PCCB: variants seen among roughly 807,000 people sequenced by gnomAD.
The protein encoded by PCCB is propionyl-CoA carboxylase subunit beta.
Under a neutral mutation model 60.7 loss-of-function variants are expected in PCCB, and 43 were observed. The observed-to-expected ratio is 0.71, with a 90% CI of 0.55 to 0.91. The LOEUF (loss-of-function observed/expected upper bound fraction) is 0.91, where lower values mean the gene tolerates loss of function less well. Among genes scored for constraint, PCCB ranks in the 40% least tolerant of loss-of-function variants. PCCB has a pLI of 0.00. For missense variants in PCCB, 766 were observed against 702.8 expected (o/e 1.09, Z -1.02); for synonymous variants, 276 against 255.9 (o/e 1.08, Z -0.75).
intron 10 of PCCB, among the ~76,000 whole-genome samples, chr3:136,320,270 A>G (rs1355369359): frequency 3.3e-5 from 5 of 152,246 alleles, no homozygotes; most frequent in Admixed American, 2.6e-4. Flanking sequence ...GTGTTGAATC[A>G]GTAGATTACT....
rs1317582842 is a variant in PCCB, at chr3:136,326,927, G to A, written c.1198+17G>A. On this transcript the variant is annotated intron_variant, in intron 11 of 14. Transcript: ENST00000251654. ...TTCTACCTGGTAAGTTTTTGACAGAGTGGGGGCTAGGAGAGTTGCCTTTCC... is the reference window on the plus strand; with the variant it reads ...TTCTACCTGGTAAGTTTTTGACAGAATGGGGGCTAGGAGAGTTGCCTTTCC... 3 of 1,509,568 alleles carry A rather than the reference G, an allele frequency of 2.0e-6. No individual in the cohort carries two copies. The highest frequency in any genetic ancestry group is 3.3e-5 in the Admixed American group (2 of 59,876). The allele number at this position is 1,509,568 out of a possible 1,614,324, so 93.5% of individuals were successfully genotyped here.
intron 7 of PCCB, among the ~76,000 whole-genome samples, chr3:136,296,855 TTCA>T (rs1386973374): frequency 4.6e-5 from 7 of 152,342 alleles, no homozygotes; most frequent in African/African-American, 1.4e-4. Context: ...AAAACAAATA[TTCA>T]TCGAGTACCT....
chr3:136,310,436 C>T (rs537510683), intron 9 of PCCB, among the ~76,000 whole-genome samples: 38 of 151,754 alleles, frequency 2.5e-4, no homozygotes, highest in Non-Finnish European at 4.7e-4. Context: ...GGTGGGAGTT[C>T]ACTTGAGCCC....
rs914690567 is a variant in PCCB, at chr3:136,316,981, A to G, written c.1007A>G (p.Tyr336Cys). The change falls in exon 10 of 15, where the codon TAT becomes TGT. Residue 336 changes from tyrosine to cysteine, a missense_variant. By Grantham distance (194) the Tyr-to-Cys change is radical (BLOSUM62 -2). Transcript: ENST00000251654. Reference sequence around the variant, plus strand: ...GAATTTTTTGAGATCATGCCCAATTATGCCAAGAACATCATTGTTGGTTTT... The same window carrying G: ...GAATTTTTTGAGATCATGCCCAATTGTGCCAAGAACATCATTGTTGGTTTT... ...EREFFEIMPN[Y>C]AKNIIVGFAR... 8 of 1,614,112 alleles carry G rather than the reference A, an allele frequency of 5.0e-6. No individual in the cohort carries two copies. Among genetic ancestry groups the G allele is most frequent in the Non-Finnish European group, 6.8e-6 (8 of 1,179,972 alleles).
At chr3:136,271,938 C>T (rs944712785) in intron 5 of PCCB, among the ~76,000 whole-genome samples, 1 of 152,112 alleles carries the variant, frequency 6.6e-6, no homozygotes, top group Non-Finnish European at 1.5e-5. Flanking sequence ...TGTCTTGTTC[C>T]AGTTTTCAGG....
intron 8 of PCCB, among the ~76,000 whole-genome samples, chr3:136,300,138 A>G (rs538079908): frequency 6.6e-6 from 1 of 151,288 alleles, no homozygotes; most frequent in South Asian, 2.1e-4. Flanking sequence ...ATGTATATCT[A>G]CACATGTGTT....
intron 5 of PCCB, among the ~76,000 whole-genome samples, chr3:136,275,914 G>A (rs1286817390): frequency 6.6e-6 from 1 of 152,176 alleles, no homozygotes; most frequent in Non-Finnish European, 1.5e-5. Context: ...GGGACTACAG[G>A]TGTGCACCAC....
intron 1 of PCCB, among the ~76,000 whole-genome samples, chr3:136,253,082 GTTTTTTTTTTTT>G (rs59099393): frequency 1.4e-5 from 1 of 71,500 alleles, no homozygotes; most frequent in South Asian, 5.6e-4. Flanking sequence ...AGCAATGGAG[GTTTTTTTTTTTT>G]TTTTTTTTTT....
chr3:136,268,136 A>ATATC (rs1942086032), intron 5 of PCCB, among the ~76,000 whole-genome samples: 2 of 128,590 alleles, frequency 1.6e-5, no homozygotes, highest in African/African-American at 6.4e-5. Flanking sequence ...ATATATATAT[A>ATATC]TATATCTACA....
chr3:136,270,662 C>T (rs931043507), intron 5 of PCCB, among the ~76,000 whole-genome samples: 3 of 152,164 alleles, frequency 2.0e-5, no homozygotes, highest in East Asian at 3.9e-4. Context: ...CACGCCACTA[C>T]ACCCATCTAA....
intron 1 of PCCB, among the ~76,000 whole-genome samples, chr3:136,253,797 C>T (rs1941592663): frequency 1.3e-5 from 2 of 151,260 alleles, no homozygotes; most frequent in South Asian, 4.2e-4. Context: ...AGCCTCCTAC[C>T]CTGCTAGTTA....
chr3:136,268,122 GTATATATA>G (rs1410337209), intron 5 of PCCB, among the ~76,000 whole-genome samples: 57 of 74,860 alleles, frequency 7.6e-4, no homozygotes, highest in Non-Finnish European at 5.9e-4. Flanking sequence ...ATATATATAT[GTATATATA>G]TATATATATA....
intron 12 of PCCB, 78 bp from the exon 13 acceptor site, chr3:136,327,554 TTA>T: frequency 9.1e-7 from 1 of 1,102,704 alleles, no homozygotes. Context: ...TGTCCCAATT[TTA>T]CCTGGTTTCC....
At chr3:136,288,234 C>A (rs527897194) in intron 6 of PCCB, among the ~76,000 whole-genome samples, 1 of 151,940 alleles carries the variant, frequency 6.6e-6, no homozygotes, top group African/African-American at 2.4e-5. Context: ...GAGAAGAAAG[C>A]GTATTTTGTT....
chr3:136,319,767 G>A lies in PCCB; in HGVS notation c.1090+2703G>A, dbSNP rs117248132. 7.1e-3 allele frequency among the ~76,000 whole-genome samples: 1,075 copies of A among 152,252 alleles called. 13 individuals are homozygous for A. Among genetic ancestry groups the A allele is most frequent in the African/African-American group, 0.024 (1,011 of 41,540 alleles). On this transcript the variant is annotated intron_variant, in intron 10 of 14. Transcript: ENST00000251654. ...TTCTGTTGCATGTGCTTTTGTTGTC[G>A]TATATAAGAATTTAAATTCAAGGTT...
At chr3:136,256,294 C>A in intron 2 of PCCB, 1 of 574,202 alleles carries the variant, frequency 1.7e-6, no homozygotes, top group Non-Finnish European at 3.1e-6. Context: ...AGTGGTGGCC[C>A]TGGGTCTTGA....
In PCCB at chr3:136,300,909, G is replaced by A. The variant is rs1017159965; in HGVS notation, c.885-121G>A. 1.7e-5 allele frequency: 13 copies of A among 743,044 alleles called. No individual in the cohort carries two copies. The South Asian group carries it at 1.9e-4, about 11-fold the overall frequency. The allele number at this position is 743,044 out of a possible 1,614,324, so 46.0% of individuals were successfully genotyped here. A position where few individuals can be genotyped will look rare whatever the true frequency, so the allele number is the denominator to read the frequency against. On this transcript the variant is annotated intron_variant, in intron 8 of 14. Transcript: ENST00000251654. ...CTTTGGTGACTGCTTTGTAAGCCCA[G>A]CAGGGACAGAACTGGCCCAGTCCCT...
chr3:136,326,511 C>T lies in PCCB; in HGVS notation c.1091-292C>T. 4.6e-6 allele frequency: 3 copies of T among 656,514 alleles called. No homozygotes were observed. The South Asian group carries it at 5.2e-5, about 11-fold the overall frequency. The allele number at this position is 656,514 out of a possible 1,614,324, so 40.7% of individuals were successfully genotyped here. On this transcript the variant is annotated intron_variant, in intron 10 of 14. Coordinates refer to ENST00000251654, the MANE Select transcript of PCCB (RefSeq NM_000532.5). Reference sequence around the variant, plus strand: ...ACCAGCCCTTGAATGCTGCCTCCCACTGATGGCTCCCTGCGGCAAGGCCGG... The same window carrying T: ...ACCAGCCCTTGAATGCTGCCTCCCATTGATGGCTCCCTGCGGCAAGGCCGG...
At chr3:136,329,849 G>A (rs1349962434) in intron 14 of PCCB, 56 bp from the exon 15 acceptor site, 1 of 1,603,846 alleles carries the variant, frequency 6.2e-7, no homozygotes, top group Admixed American at 1.7e-5. Flanking sequence ...AGAAGGTTGA[G>A]GGGTGGCATC....
Sources: allele counts gnomAD v4.1 joint callset (sites outside exome capture counted in the v4.1 genomes callset), GRCh38; gene constraint gnomAD v4.1.1; transcripts MANE v1.5; gene names NCBI Gene and HGNC (gene_info 2026-07-23, HGNC 2026-07-21).